The following CWC27 variants were observed in gnomAD, a reference collection of about 807,000 sequenced individuals.
CWC27 encodes the protein CWC27 spliceosome associated cyclophilin, also known as spliceosome-associated protein CWC27 homolog.
In CWC27, 47 loss-of-function variants were observed where a neutral mutation model predicts 63.6. The observed-to-expected ratio is 0.74, with a 90% CI of 0.58 to 0.94. The LOEUF (loss-of-function observed/expected upper bound fraction) is 0.94. Among genes scored for constraint, CWC27 ranks in the 40% least tolerant of loss-of-function variants. CWC27 has a pLI of 0.00. For missense variants in CWC27, 495 were observed against 554.3 expected, an observed-to-expected ratio of 0.89 and a Z score of 1.07; for synonymous variants, 175 against 179.8, an observed-to-expected ratio of 0.97 and a Z score of 0.22.
chr5:64,991,571 T>A (rs1002392852), intron 13 of CWC27, among the ~76,000 whole-genome samples: 19 of 151,600 alleles, frequency 1.3e-4, no homozygotes, highest in Non-Finnish European at 2.2e-4. Context: ...CAAAACAGAT[T>A]TAAAATTAGC....
chr5:64,988,304 GTTGA>G, intron 13 of CWC27, among the ~76,000 whole-genome samples: 1 of 152,220 alleles, frequency 6.6e-6, no homozygotes. Flanking sequence ...ATTAGCATCT[GTTGA>G]TTGTCTTTTC....
At chr5:64,948,863 G>T (rs1177193443) in intron 11 of CWC27, among the ~76,000 whole-genome samples, 4 of 151,842 alleles carry the variant, frequency 2.6e-5, no homozygotes, top group Non-Finnish European at 4.4e-5. Flanking sequence ...GAGGGGAGAG[G>T]ATAGAATATT....
At position 64,789,006 on chromosome 5, in the gene CWC27, A is replaced by G. The variant is rs778399769; in HGVS notation, c.655A>G (p.Asn219Asp). 6.2e-7 allele frequency: 1 copy of G among 1,605,532 alleles called. No individual in the cohort carries two copies. The highest frequency in any genetic ancestry group is 1.7e-5 in the Admixed American group (1 of 59,354). ...AGCTGAGGAAGAAGAGGAGGAAGTA[A>G]ATCGAGTTAGTCAGGTAATCTCTAA... ...EEAEEEEEEVNRVSQSMKGKS... is the reference protein window; with the variant it reads ...EEAEEEEEEVDRVSQSMKGKS... The change falls in exon 7 of 14, where the codon AAT becomes GAT. Residue 219 changes from asparagine (N) to aspartate (D), a missense_variant. By Grantham distance (23) the Asn-to-Asp change is conservative. Transcript: ENST00000381070.
intron 10 of CWC27, among the ~76,000 whole-genome samples, chr5:64,864,578 A>C (rs1267852619): frequency 6.6e-6 from 1 of 152,122 alleles, no homozygotes; most frequent in Non-Finnish European, 1.5e-5. Flanking sequence ...AATTTCCCAG[A>C]TGTCACCTAC....
At chr5:64,953,622 A>G (rs1484755893) in intron 11 of CWC27, among the ~76,000 whole-genome samples, 2 of 152,134 alleles carry the variant, frequency 1.3e-5, no homozygotes, top group Admixed American at 1.3e-4. Flanking sequence ...TAATCAGACA[A>G]ACCCAAATAA....
At chr5:64,785,267 G>A (rs538151619) in intron 4 of CWC27, among the ~76,000 whole-genome samples, 1 of 152,120 alleles carries the variant, frequency 6.6e-6, no homozygotes, top group South Asian at 2.1e-4. Context: ...ATATATATTG[G>A]AAATTTCCAA....
At chr5:64,932,201 A>G (rs1372751609) in intron 11 of CWC27, among the ~76,000 whole-genome samples, 4 of 152,096 alleles carry the variant, frequency 2.6e-5, no homozygotes, top group Non-Finnish European at 5.9e-5. Context: ...TGGTTAAATA[A>G]TTTGTCCAAA....
intron 2 of CWC27, among the ~76,000 whole-genome samples, chr5:64,776,068 CGAGAGAGAGAGAGAGAGAGA>C (rs70983650): frequency 0.031 from 3,408 of 108,588 alleles, 111 homozygotes; most frequent in African/African-American, 0.088. Flanking sequence ...AGGAGTGGAG[CGAGAGAGAGAGAGAGAGAGA>C]GAGAGAGAGA....
chr5:64,833,001 G>A (rs888093764), intron 10 of CWC27, among the ~76,000 whole-genome samples: 4 of 151,760 alleles, frequency 2.6e-5, no homozygotes, highest in South Asian at 2.1e-4. Flanking sequence ...GAGATCTAGA[G>A]CAAGTTGTAA....
At chr5:64,889,211 A>T (rs921562689) in intron 11 of CWC27, among the ~76,000 whole-genome samples, 2 of 152,146 alleles carry the variant, frequency 1.3e-5, no homozygotes, top group Non-Finnish European at 2.9e-5. Context: ...GAATCATAGA[A>T]CAAAAAAAAA....
At chr5:64,922,987 T>A (rs1021131539) in intron 11 of CWC27, among the ~76,000 whole-genome samples, 15 of 152,110 alleles carry the variant, frequency 9.9e-5, no homozygotes, top group African/African-American at 3.6e-4. Context: ...TAAGCCCCAG[T>A]TGGGCTGTTG....
At chr5:64,964,834 A>G (rs1433611) in intron 11 of CWC27, among the ~76,000 whole-genome samples, 58,623 of 151,974 alleles carry the variant, frequency 0.39, 11,788 homozygotes, top group Non-Finnish European at 0.45. Flanking sequence ...TTGTTAGTCC[A>G]CCTATAGTTG....
At chr5:64,922,755 C>T (rs564441857) in intron 11 of CWC27, among the ~76,000 whole-genome samples, 1 of 152,288 alleles carries the variant, frequency 6.6e-6, no homozygotes, top group African/African-American at 2.4e-5. Flanking sequence ...GGCTGATGTT[C>T]CTTTATCCTT....
chr5:64,921,490 CT>C (rs1369695078), intron 11 of CWC27, among the ~76,000 whole-genome samples: 1 of 152,088 alleles, frequency 6.6e-6, no homozygotes, highest in Non-Finnish European at 1.5e-5. Context: ...ATAACCCCTT[CT>C]CTTTTTTGTC....
chr5:64,898,580 T>C (rs2112360532), intron 11 of CWC27, among the ~76,000 whole-genome samples: 1 of 152,232 alleles, frequency 6.6e-6, no homozygotes, highest in South Asian at 2.1e-4. Context: ...AGTTGCTACG[T>C]ACAAGGAGTG....
chr5:64,837,793 A>T (rs548843825), intron 10 of CWC27, among the ~76,000 whole-genome samples: 2 of 152,208 alleles, frequency 1.3e-5, no homozygotes, highest in Admixed American at 6.6e-5. Context: ...CAAAATATGA[A>T]ATAGTTGTCG....
chr5:64,856,022 A>G (rs1746250088), intron 10 of CWC27, among the ~76,000 whole-genome samples: 1 of 152,102 alleles, frequency 6.6e-6, no homozygotes, highest in Non-Finnish European at 1.5e-5. Context: ...TAGCATCACC[A>G]TCCATCCTCA....
chr5:64,887,517 C>T (rs888229568), intron 11 of CWC27, among the ~76,000 whole-genome samples: 4 of 152,116 alleles, frequency 2.6e-5, no homozygotes, highest in African/African-American at 9.7e-5. Context: ...CAAGCATGCA[C>T]CACCACACCT....
intron 10 of CWC27, among the ~76,000 whole-genome samples, chr5:64,858,235 G>A (rs1561436944): frequency 2.7e-5 from 4 of 149,008 alleles, no homozygotes; most frequent in Non-Finnish European, 4.5e-5. Context: ...CGAGGCGGGC[G>A]GATCACGAGG....
Sources: allele counts gnomAD v4.1 joint callset (sites outside exome capture counted in the v4.1 genomes callset), GRCh38; gene constraint gnomAD v4.1.1; transcripts MANE v1.5; gene names NCBI Gene and HGNC (gene_info 2026-07-23, HGNC 2026-07-21).